EIF4E3: variants seen among roughly 807,000 people sequenced by gnomAD.
EIF4E3 encodes the protein eukaryotic translation initiation factor 4E type 3.
Under a neutral mutation model 31.7 loss-of-function variants are expected in EIF4E3, and 26 were observed. That is an observed-to-expected ratio of 0.82 (90% CI 0.60 to 1.14). EIF4E3 has a LOEUF of 1.14. Ranked by LOEUF, EIF4E3 falls within the 50% of genes most tolerant of loss-of-function variation. The pLI, the probability that EIF4E3 is intolerant of heterozygous loss-of-function variation, is 0.00. For missense variants in EIF4E3, 304 were observed against 270.9 expected (o/e 1.12, Z -0.86); for synonymous variants, 128 against 107.7 (o/e 1.19, Z -1.17).
intron 1 of EIF4E3, among the ~76,000 whole-genome samples, chr3:71,738,592 AC>A (rs1489482957): frequency 1.3e-5 from 2 of 152,112 alleles, no homozygotes; most frequent in Non-Finnish European, 2.9e-5. Flanking sequence ...AAAAGAATCA[AC>A]CCTCCAGGAA....
the EIF4E3 span, among the ~76,000 whole-genome samples, chr3:71,663,518 C>G: frequency 6.6e-6 from 1 of 152,208 alleles, no homozygotes; most frequent in African/African-American, 2.4e-5. Context: ...GGCTCTAAGG[C>G]AGGGCCCTTG....
At chr3:71,685,891 G>A (rs1453130034) in intron 6 of EIF4E3, among the ~76,000 whole-genome samples, 2 of 152,200 alleles carry the variant, frequency 1.3e-5, no homozygotes, top group African/African-American at 4.8e-5. Context: ...TCCCCAACAC[G>A]CTACCCACAC....
At chr3:71,712,660 A>T (rs1489543924) in intron 1 of EIF4E3, among the ~76,000 whole-genome samples, 1 of 151,136 alleles carries the variant, frequency 6.6e-6, no homozygotes, top group Non-Finnish European at 1.5e-5. Flanking sequence ...CTAGGGCTCA[A>T]AGGGAGGAAA....
At chr3:71,712,421 T>A (rs999366358) in intron 1 of EIF4E3, among the ~76,000 whole-genome samples, 7 of 152,146 alleles carry the variant, frequency 4.6e-5, no homozygotes, top group African/African-American at 1.7e-4. Flanking sequence ...TTAATTATTT[T>A]TTAAATCAGG....
intron 6 of EIF4E3, among the ~76,000 whole-genome samples, chr3:71,685,270 A>G (rs2048976806): frequency 6.6e-6 from 1 of 152,154 alleles, no homozygotes; most frequent in East Asian, 1.9e-4. Flanking sequence ...GCTAAGTTTT[A>G]TTTTTCCAAA....
rs921092528 is a variant in EIF4E3, at chr3:71,684,997, T to C, written c.629-269A>G. On this transcript the variant is annotated intron_variant, in intron 6 of 6. Coordinates refer to ENST00000425534, the MANE Select transcript of EIF4E3 (RefSeq NM_001134651.2). Reference sequence around the variant, plus strand: ...TTGCTGTGCCTGGGAGGATGAGTCATCTCAGCAAGCCGATGAAGAGAGTAT... The same window carrying C: ...TTGCTGTGCCTGGGAGGATGAGTCACCTCAGCAAGCCGATGAAGAGAGTAT... Among the ~76,000 whole-genome samples the C allele has an allele frequency of 4.6e-5, 7 of 152,178 alleles. No individual in the cohort carries two copies. The East Asian group carries it at 1.2e-3, about 25-fold the overall frequency.
chr3:71,674,583 A>G (rs1332550691), downstream of EIF4E3, among the ~76,000 whole-genome samples: 1 of 152,222 alleles, frequency 6.6e-6, no homozygotes, highest in Non-Finnish European at 1.5e-5. Context: ...GAAAGATCAT[A>G]AACAAGCAGT....
intron 3 of EIF4E3, among the ~76,000 whole-genome samples, chr3:71,698,249 G>T (rs1235881884): frequency 6.6e-6 from 1 of 152,186 alleles, no homozygotes; most frequent in African/African-American, 2.4e-5. Flanking sequence ...GGCAGGGAGG[G>T]TGAAAGGACT....
At chr3:71,663,814 TG>T in the EIF4E3 span, among the ~76,000 whole-genome samples, 17 of 152,344 alleles carry the variant, frequency 1.1e-4, no homozygotes, top group East Asian at 3.3e-3. Flanking sequence ...GTGAATATCA[TG>T]GTGTCCGCCA....
downstream of EIF4E3, among the ~76,000 whole-genome samples, chr3:71,674,090 C>CTTTTTTTTT (rs71277509): frequency 6.4e-4 from 16 of 25,072 alleles, 5 homozygotes; most frequent in Non-Finnish European, 1.2e-3. Context: ...ATCAACTGTA[C>CTTTTTTTTT]TTTTTTTTTT....
chr3:71,688,148 T>C (rs1414760355), intron 6 of EIF4E3, among the ~76,000 whole-genome samples: 1 of 152,188 alleles, frequency 6.6e-6, no homozygotes, highest in African/African-American at 2.4e-5. Context: ...GGCCCCTACC[T>C]TTAGGTATCT....
intron 2 of EIF4E3, among the ~76,000 whole-genome samples, chr3:71,702,677 C>G (rs2049234523): frequency 7.2e-6 from 1 of 138,164 alleles, no homozygotes; most frequent in African/African-American, 2.8e-5. Context: ...TTTTGCTGAG[C>G]ATAAAATAGG....
chr3:71,662,397 G>T, the EIF4E3 span, among the ~76,000 whole-genome samples: 1 of 152,318 alleles, frequency 6.6e-6, no homozygotes, highest in East Asian at 1.9e-4. Context: ...TTGTTAGAAA[G>T]ATTACATGAG....
the EIF4E3 span, among the ~76,000 whole-genome samples, chr3:71,660,996 T>C: frequency 2.0e-5 from 3 of 152,250 alleles, no homozygotes; most frequent in East Asian, 5.8e-4. Context: ...CCCAGCAGAA[T>C]CGTGGGGCAC....
intron 2 of EIF4E3, among the ~76,000 whole-genome samples, chr3:71,709,662 T>C (rs1306077911): frequency 1.3e-5 from 2 of 152,164 alleles, no homozygotes; most frequent in Non-Finnish European, 2.9e-5. Flanking sequence ...ATTTCAGGTG[T>C]GAGCCACTAC....
the EIF4E3 span, among the ~76,000 whole-genome samples, chr3:71,663,153 C>A: frequency 6.6e-6 from 1 of 152,132 alleles, no homozygotes; most frequent in African/African-American, 2.4e-5. Flanking sequence ...GCCTCCTGCT[C>A]CTGCTTGGAG....
chr3:71,663,602 G>A, the EIF4E3 span, among the ~76,000 whole-genome samples: 1 of 152,156 alleles, frequency 6.6e-6, no homozygotes, highest in Non-Finnish European at 1.5e-5. Context: ...ACAAGGCAGT[G>A]GCCTAGATAT....
intron 1 of EIF4E3, among the ~76,000 whole-genome samples, chr3:71,714,111 C>G (rs2049423173): frequency 6.6e-6 from 1 of 152,018 alleles, no homozygotes; most frequent in Admixed American, 6.6e-5. Flanking sequence ...ACTCAGGAGT[C>G]TGAGGCAGGA....
intron 1 of EIF4E3, among the ~76,000 whole-genome samples, chr3:71,744,628 C>T (rs1370755813): frequency 6.6e-6 from 1 of 152,096 alleles, no homozygotes; most frequent in East Asian, 1.9e-4. Context: ...GCCTGTAGTC[C>T]CAGCTACTCA....
Sources: allele counts gnomAD v4.1 joint callset (sites outside exome capture counted in the v4.1 genomes callset), GRCh38; gene constraint gnomAD v4.1.1; transcripts MANE v1.5; gene names NCBI Gene and HGNC (gene_info 2026-07-23, HGNC 2026-07-21).